Variants in RGS3 observed in about 807,000 individuals in gnomAD.
The protein encoded by RGS3 is regulator of G-protein signalling 3.
RGS3 carries 80 observed loss-of-function variants against 132.6 expected under a neutral mutation model. That is an observed-to-expected ratio of 0.60 (90% confidence interval 0.50 to 0.73). RGS3 has a LOEUF of 0.73. Among genes scored for constraint, RGS3 ranks in the 30% least tolerant of loss-of-function variants. The pLI is 0.00. For synonymous variants in RGS3, 598 were observed against 620.6 expected (o/e 0.96, Z 0.54); for missense variants, 1,382 against 1,530.8 (o/e 0.90, Z 1.62).
intron 19 of RGS3, 31 bp downstream of exon 17, chr9:113,536,949 C>G: frequency 1.9e-6 from 3 of 1,603,366 alleles, no homozygotes; most frequent in Non-Finnish European, 2.6e-6. Flanking sequence ...TGTGGCCTGG[C>G]TGCCTCGTTT....
chr9:113,490,100 C>A (rs957673436), intron 7 of RGS3, among the ~76,000 whole-genome samples: 6 of 152,190 alleles, frequency 3.9e-5, no homozygotes, highest in African/African-American at 1.4e-4. Flanking sequence ...GCTGTATGAC[C>A]ATGGGTCAGT....
chr9:113,520,252 G>A lies in RGS3; in HGVS notation c.1758+2628G>A, dbSNP rs1389168614. On this transcript the variant is annotated intron_variant, in intron 16 of 24. Coordinates refer to ENST00000350696, the Ensembl canonical transcript of RGS3. ...GGGCATCACTCTCCCATGGGCTGCCGTGGCCCCTGCTGGTGCTGGTGAGAT... is the reference window on the plus strand; with the variant it reads ...GGGCATCACTCTCCCATGGGCTGCCATGGCCCCTGCTGGTGCTGGTGAGAT... 2.0e-5 allele frequency among the ~76,000 whole-genome samples: 3 copies of A among 152,354 alleles called. No individual in the cohort carries two copies. The South Asian group carries it at 6.2e-4, about 32-fold the overall frequency.
chr9:113,524,422 A>G (rs1832104594), intron 17 of RGS3, among the ~76,000 whole-genome samples: 1 of 152,132 alleles, frequency 6.6e-6, no homozygotes, highest in Non-Finnish European at 1.5e-5. Flanking sequence ...TGGTACATGA[A>G]TGGAACCCTC....
chr9:113,518,107 G>GGT (rs1207109670), intron 16 of RGS3, among the ~76,000 whole-genome samples: 1 of 152,196 alleles, frequency 6.6e-6, no homozygotes, highest in African/African-American at 2.4e-5. Flanking sequence ...TGCTGACATG[G>GGT]GACCTGTGTC....
chr9:113,582,059 T>C, intron 19 of RGS3: 1 of 985,392 alleles, frequency 1.0e-6, no homozygotes, highest in Non-Finnish European at 1.2e-6. Context: ...TCCGCTCACA[T>C]CTGTGCTCCC....
intron 7 of RGS3, among the ~76,000 whole-genome samples, chr9:113,489,994 G>A (rs549376465): frequency 1.3e-5 from 2 of 152,256 alleles, no homozygotes; most frequent in East Asian, 3.9e-4. Context: ...GAAGTTCTGG[G>A]GAAGGGCCAG....
chr9:113,501,534 G>A (rs1830892382), intron 10 of RGS3: 1 of 1,536,248 alleles, frequency 6.5e-7, no homozygotes, highest in Non-Finnish European at 8.7e-7. Context: ...CTGGGGGAGA[G>A]CTGGGTTTTC....
intron 19 of RGS3, chr9:113,570,491 G>C (rs1037306214): frequency 6.6e-6 from 1 of 151,940 alleles, no homozygotes; most frequent in Non-Finnish European, 1.5e-5. Context: ...CTTTTAAATT[G>C]AAGTGCAGCA....
intron 19 of RGS3, among the ~76,000 whole-genome samples, chr9:113,564,322 G>A (rs1337760181): frequency 1.3e-5 from 2 of 152,216 alleles, no homozygotes; most frequent in Non-Finnish European, 2.9e-5. Context: ...AGCTGCTGGT[G>A]AGGATTCAGT....
intron 15 of RGS3, among the ~76,000 whole-genome samples, chr9:113,516,273 G>A (rs1036571628): frequency 2.0e-5 from 3 of 152,168 alleles, no homozygotes; most frequent in Non-Finnish European, 2.9e-5. Flanking sequence ...AGCAGGGCCT[G>A]GCCTTAGCCT....
At chr9:113,461,094 T>C (rs1380308829) in intron 1 of RGS3, among the ~76,000 whole-genome samples, 1 of 152,076 alleles carries the variant, frequency 6.6e-6, no homozygotes, top group Admixed American at 6.6e-5. Context: ...TGTAGTGTGT[T>C]TATGTATGTG....
intron 19 of RGS3, among the ~76,000 whole-genome samples, chr9:113,546,987 C>T (rs1018598694): frequency 2.0e-5 from 3 of 152,120 alleles, no homozygotes; most frequent in African/African-American, 7.2e-5. Flanking sequence ...TTCAGATGGT[C>T]TCCAGGAGTC....
intron 10 of RGS3, among the ~76,000 whole-genome samples, chr9:113,502,008 C>T (rs889578450): frequency 6.6e-5 from 10 of 152,218 alleles, no homozygotes; most frequent in Non-Finnish European, 1.0e-4. Flanking sequence ...GCCCATTCTG[C>T]CCCCTGTGCG....
chr9:113,500,687 C>CT lies in RGS3; in HGVS notation c.897+2625dup, dbSNP rs56957630. ...CATGGACAAAGGACAAATAAATTGA[C>CT]TTTTTTTTTTTTTTTTTTGAGACAG... On this transcript the variant is annotated intron_variant, in intron 10 of 24. Coordinates refer to ENST00000350696, the Ensembl canonical transcript of RGS3. Among the ~76,000 whole-genome samples the CT allele has an allele frequency of 3.7e-3, 499 of 136,040 alleles. 2 individuals carry two copies. Among genetic ancestry groups the CT allele is most frequent in the Middle Eastern group, 0.019 (5 of 258 alleles). The allele number at this position is 136,040 out of a possible 152,430, so 89.2% of individuals were successfully genotyped here. A position where few individuals can be genotyped will look rare whatever the true frequency, so the allele number is the denominator to read the frequency against.
chr9:113,508,980 A>C (rs1374483008), intron 14 of RGS3, among the ~76,000 whole-genome samples: 1 of 152,064 alleles, frequency 6.6e-6, no homozygotes, highest in Non-Finnish European at 1.5e-5. Flanking sequence ...TAGCTATATG[A>C]CTTTGAGCAA....
intron 19 of RGS3, among the ~76,000 whole-genome samples, chr9:113,551,367 C>G (rs776790905): frequency 1.1e-4 from 16 of 152,162 alleles, no homozygotes; most frequent in Non-Finnish European, 2.1e-4. Context: ...TTTAACCGTT[C>G]ATCAGTTAAT....
chr9:113,460,591 A>T (rs1191431668), intron 1 of RGS3, among the ~76,000 whole-genome samples: 1 of 152,074 alleles, frequency 6.6e-6, no homozygotes, highest in African/African-American at 2.4e-5. Context: ...ATGAATTTTT[A>T]GTTAAAACAC....
chr9:113,518,964 C>T (rs1211748571), intron 16 of RGS3, among the ~76,000 whole-genome samples: 1 of 152,110 alleles, frequency 6.6e-6, no homozygotes, highest in Admixed American at 6.6e-5. Flanking sequence ...GAGATGGCAG[C>T]CACCCTGAAA....
chr9:113,464,807 G>A (rs1238387028), intron 3 of RGS3, among the ~76,000 whole-genome samples: 1 of 152,198 alleles, frequency 6.6e-6, no homozygotes, highest in African/African-American at 2.4e-5. Flanking sequence ...ACATTGCCCA[G>A]CTTTCAAAGA....
Sources: gnomAD v4.1 joint callset for allele counts (sites outside exome capture counted in the v4.1 genomes callset) on GRCh38, gnomAD v4.1.1 for gene constraint, MANE v1.5 for transcripts, NCBI Gene and HGNC (gene_info 2026-07-23, HGNC 2026-07-21) for gene names.